Variants in AKAP7 observed in about 807,000 individuals in gnomAD.
AKAP7 encodes the protein A kinase (PRKA) anchor protein 7.
In AKAP7, 39 loss-of-function variants were observed where a neutral mutation model predicts 39.5. The ratio of observed to expected loss-of-function variants is 0.99; its 90% CI spans 0.76 to 1.29. The LOEUF (loss-of-function observed/expected upper bound fraction) is 1.29, where lower values mean the gene tolerates loss of function less well. Among genes scored for constraint, AKAP7 ranks in the 50% most tolerant of loss-of-function variants. The probability of loss-of-function intolerance (pLI) is 0.00; values close to 1 mark genes in which losing one functional copy is unlikely to be tolerated. For missense variants in AKAP7, 414 were observed against 407.7 expected (o/e 1.02, Z -0.13); for synonymous variants, 140 against 139.1 (o/e 1.01, Z -0.05).
Position 131,190,107 on chromosome 6 carries a change from T to C in AKAP7, c.590-9354T>C, listed in dbSNP as rs142515703. Among the ~76,000 whole-genome samples the C allele has an allele frequency of 3.2e-3, 493 of 152,356 alleles. 4 individuals are homozygous for C. Among genetic ancestry groups the C allele is most frequent in the African/African-American group, 0.011 (464 of 41,582 alleles). On this transcript the variant is annotated intron_variant, in intron 5 of 7. Coordinates refer to ENST00000431975, the MANE Select transcript of AKAP7 (RefSeq NM_016377.4). ...TAATACCCTAAGCAATAGATTATAC[T>C]ACTGTTAGGAATATAAAATCAGTAT...
At chr6:131,164,525 C>T (rs953475453) in intron 3 of AKAP7, 2 of 423,364 alleles carry the variant, frequency 4.7e-6, no homozygotes, top group East Asian at 7.3e-5. Flanking sequence ...TAATGCCCCT[C>T]CCCACAGGTA....
the AKAP7 span, among the ~76,000 whole-genome samples, chr6:131,129,887 T>C: frequency 3.3e-5 from 5 of 152,218 alleles, no homozygotes; most frequent in African/African-American, 4.8e-5. Context: ...TTTGCAACTT[T>C]AGTTTCTATG....
intron 7 of AKAP7, among the ~76,000 whole-genome samples, chr6:131,260,216 TG>T (rs2128325739): frequency 6.6e-6 from 1 of 152,348 alleles, no homozygotes; most frequent in African/African-American, 2.4e-5. Context: ...GATGGGCATT[TG>T]GGTTGATTCC....
intron 7 of AKAP7, among the ~76,000 whole-genome samples, chr6:131,276,277 G>C (rs1441928440): frequency 6.6e-6 from 1 of 152,024 alleles, no homozygotes; most frequent in Non-Finnish European, 1.5e-5. Flanking sequence ...ATGTGTTGGG[G>C]GTGAGTTTTG....
rs1223702379 is a variant in AKAP7 at position 131,135,749 on chromosome 6, G to T, written c.-15G>T. On this transcript the variant is annotated 5_prime_UTR_variant, in exon 1 of 8. Transcript: ENST00000431975. ...TGCCGCCAGCCCAGACGCGCCGCCC[G>T]CATGCGCCGCGACCATGGAGCGCCC... 2 of 1,225,524 alleles carry T rather than the reference G, an allele frequency of 1.6e-6. No individual in the cohort carries two copies. The highest frequency in any genetic ancestry group is 3.1e-5 in the African/African-American group (2 of 63,872). 75.9% of individuals were successfully genotyped at this position (1,225,524 alleles called of 1,614,324 possible). A position where few individuals can be genotyped will look rare whatever the true frequency, so the allele number is the denominator to read the frequency against.
intron 2 of AKAP7, among the ~76,000 whole-genome samples, chr6:131,156,418 G>C (rs569264737): frequency 1.4e-4 from 22 of 152,128 alleles, no homozygotes; most frequent in Non-Finnish European, 2.4e-4. Flanking sequence ...TGGGAGGATT[G>C]CTTGAGCCCA....
At chr6:131,160,734 A>G (rs1802863287) in intron 3 of AKAP7, among the ~76,000 whole-genome samples, 1 of 152,252 alleles carries the variant, frequency 6.6e-6, no homozygotes, top group Non-Finnish European at 1.5e-5. Context: ...GATTATTTCA[A>G]CATAGTTTCT....
intron 2 of AKAP7, among the ~76,000 whole-genome samples, chr6:131,157,691 A>G (rs1802548214): frequency 6.6e-6 from 1 of 152,234 alleles, no homozygotes; most frequent in Admixed American, 6.5e-5. Flanking sequence ...CACAGATAAA[A>G]ATGCTACAAA....
chr6:131,253,207 A>T, intron 7 of AKAP7: 1 of 1,108,436 alleles, frequency 9.0e-7, no homozygotes, highest in Non-Finnish European at 1.3e-6. Flanking sequence ...TAATTGATTT[A>T]TTAGTGCTAC....
the AKAP7 span, among the ~76,000 whole-genome samples, chr6:131,129,782 G>A: frequency 4.6e-5 from 7 of 152,132 alleles, no homozygotes; most frequent in African/African-American, 1.7e-4. Context: ...ATGTCACCCC[G>A]AGTTACCTTG....
intron 6 of AKAP7, among the ~76,000 whole-genome samples, chr6:131,202,738 A>G (rs989893567): frequency 1.3e-5 from 2 of 152,054 alleles, no homozygotes; most frequent in African/African-American, 4.8e-5. Context: ...GTGCACATGT[A>G]CCCTAAAACT....
chr6:131,145,439 G>A (rs777626651), intron 2 of AKAP7, 23 bp downstream of exon 2: 275 of 1,387,728 alleles, frequency 2.0e-4, no homozygotes, highest in Non-Finnish European at 2.3e-4. Flanking sequence ...TTAAGTAAAC[G>A]CGTATTTAGA....
At chr6:131,160,033 C>A (rs541503109) in intron 2 of AKAP7, 26 bp from the exon 3 acceptor site, 1 of 1,550,226 alleles carries the variant, frequency 6.5e-7, no homozygotes. Flanking sequence ...ATGTATTAGA[C>A]GTATTGTTTG....
intron 6 of AKAP7, among the ~76,000 whole-genome samples, chr6:131,213,272 A>G (rs1437352721): frequency 1.3e-5 from 2 of 151,604 alleles, no homozygotes; most frequent in Non-Finnish European, 2.9e-5. Context: ...ATACCAGTGA[A>G]TTTTTTATAC....
rs1437567428 is a variant in AKAP7, at chr6:131,180,410, C to CA, written c.589+11143dup. ...AACACCTTTCCTATCCCTAAACAAA[C>CA]AAAAAACAAAGTTAAAAAATCCTAA... On this transcript the variant is annotated intron_variant, in intron 5 of 7. Coordinates refer to ENST00000431975, the MANE Select transcript of AKAP7 (RefSeq NM_016377.4). 3.9e-5 allele frequency among the ~76,000 whole-genome samples: 6 copies of CA among 152,142 alleles called. No homozygotes were observed. The East Asian group carries it at 5.8e-4, about 15-fold the overall frequency.
chr6:131,206,544 A>C (rs1808111966), intron 6 of AKAP7, among the ~76,000 whole-genome samples: 1 of 152,122 alleles, frequency 6.6e-6, no homozygotes, highest in South Asian at 2.1e-4. Flanking sequence ...ATATGGTTGA[A>C]AATTTTGTTC....
chr6:131,239,015 C>A (rs1239793707), intron 7 of AKAP7, among the ~76,000 whole-genome samples: 1 of 152,276 alleles, frequency 6.6e-6, no homozygotes, highest in South Asian at 2.1e-4. Flanking sequence ...ATGGTCTTTA[C>A]AATTTGGCAT....
intron 5 of AKAP7, among the ~76,000 whole-genome samples, chr6:131,169,745 G>C (rs1427910686): frequency 6.6e-6 from 1 of 152,190 alleles, no homozygotes; most frequent in East Asian, 1.9e-4. Flanking sequence ...CTGGATGAGT[G>C]ACTTCAGTTT....
intron 7 of AKAP7, among the ~76,000 whole-genome samples, chr6:131,251,566 G>C (rs931818258): frequency 8.6e-6 from 1 of 116,540 alleles, no homozygotes; most frequent in African/African-American, 3.2e-5. Context: ...GCCAGGGACT[G>C]TTAAAAAAAA....
Sources: allele counts gnomAD v4.1 joint callset (sites outside exome capture counted in the v4.1 genomes callset), GRCh38; gene constraint gnomAD v4.1.1; transcripts MANE v1.5; gene names NCBI Gene and HGNC (gene_info 2026-07-23, HGNC 2026-07-21).